The following NEK11 variants were observed in gnomAD, a reference collection of about 807,000 sequenced individuals.
NEK11 encodes the protein NIMA related kinase 11, also known as serine/threonine-protein kinase Nek11.
NEK11 carries 72 observed loss-of-function variants against 80.7 expected under a neutral mutation model. The observed-to-expected ratio is 0.89, with a 90% CI of 0.74 to 1.08. NEK11 has a LOEUF of 1.08. NEK11 is among the 50% of genes least tolerant of loss of function. NEK11 has a pLI of 0.00. For synonymous variants in NEK11, 251 were observed against 260.7 expected (o/e 0.96, Z 0.36); for missense variants, 764 against 763.6 (o/e 1.00, Z -0.01).
chr3:131,162,419 T>C lies in NEK11; in HGVS notation c.974T>C (p.Ile325Thr). The C allele has an allele frequency of 1.9e-6, 3 of 1,613,514 alleles. No homozygotes were observed. The highest frequency in any genetic ancestry group is 2.5e-6 in the Non-Finnish European group (3 of 1,179,828). The stretch of plus-strand genomic sequence containing the variant: ...TTTGTTATTTATAGGCAAAAAAGGA[T>C]CCACCTGCAGACTCTGAGGGCACTG... Reference protein sequence around the residue: ...AHIINAMQKRIHLQTLRALSE... With the variant: ...AHIINAMQKRTHLQTLRALSE... Residue 325 changes from isoleucine (I) to threonine (T), a missense_variant, in exon 11 of 18, where the codon ATC becomes ACC. Coordinates refer to ENST00000383366, the MANE Select transcript of NEK11 (RefSeq NM_024800.5).
At chr3:131,341,634 A>G (rs992517933) in intron 17 of NEK11, among the ~76,000 whole-genome samples, 4 of 150,524 alleles carry the variant, frequency 2.7e-5, no homozygotes, top group African/African-American at 1.0e-4. Flanking sequence ...AATATATCTG[A>G]CAGTTTCTCT....
At chr3:131,170,006 C>T (rs1000982936) in intron 13 of NEK11, among the ~76,000 whole-genome samples, 12 of 152,276 alleles carry the variant, frequency 7.9e-5, no homozygotes, top group African/African-American at 2.9e-4. Context: ...ATGATATTCT[C>T]ACAAATACCG....
intron 17 of NEK11, among the ~76,000 whole-genome samples, chr3:131,288,302 C>T (rs990648780): frequency 3.3e-5 from 5 of 152,254 alleles, no homozygotes; most frequent in Non-Finnish European, 5.9e-5. Flanking sequence ...ATCTGGGAAG[C>T]TGTTTTTCCT....
At chr3:131,223,711 G>T (rs970777123) in intron 14 of NEK11, among the ~76,000 whole-genome samples, 1 of 152,028 alleles carries the variant, frequency 6.6e-6, no homozygotes, top group African/African-American at 2.4e-5. Flanking sequence ...GAACATATTT[G>T]TCAACCCCCC....
At chr3:131,137,937 G>T (rs895458189) in intron 7 of NEK11, among the ~76,000 whole-genome samples, 11 of 152,262 alleles carry the variant, frequency 7.2e-5, no homozygotes, top group Admixed American at 2.6e-4. Context: ...ATATAGGCAT[G>T]CAATTCATAA....
intron 5 of NEK11, among the ~76,000 whole-genome samples, chr3:131,122,514 C>T (rs1444715428): frequency 1.3e-5 from 2 of 152,174 alleles, no homozygotes; most frequent in East Asian, 3.9e-4. Flanking sequence ...TGCCTCAGTG[C>T]CCAGGACAGG....
At chr3:131,331,861 G>GAT (rs1196795220) in intron 17 of NEK11, among the ~76,000 whole-genome samples, 90 of 152,318 alleles carry the variant, frequency 5.9e-4, no homozygotes, top group African/African-American at 2.0e-3. Context: ...CTCGCTGATT[G>GAT]CTAGCACAGC....
At chr3:131,192,886 T>C (rs2093854056) in intron 14 of NEK11, among the ~76,000 whole-genome samples, 1 of 152,154 alleles carries the variant, frequency 6.6e-6, no homozygotes, top group South Asian at 2.1e-4. Flanking sequence ...AACAGTGTGA[T>C]GGTGTGGTAA....
chr3:131,259,277 C>T (rs917423758), intron 16 of NEK11, among the ~76,000 whole-genome samples: 19 of 152,168 alleles, frequency 1.2e-4, no homozygotes, highest in South Asian at 2.1e-4. Context: ...ATTGACACCG[C>T]TGATGCCACA....
intron 14 of NEK11, among the ~76,000 whole-genome samples, chr3:131,211,795 T>C (rs1236481811): frequency 6.6e-6 from 1 of 152,230 alleles, no homozygotes; most frequent in Non-Finnish European, 1.5e-5. Flanking sequence ...CACGTAGTTC[T>C]TGTGCCATGG....
intron 4 of NEK11, among the ~76,000 whole-genome samples, chr3:131,082,071 G>A (rs949853680): frequency 6.6e-6 from 1 of 152,198 alleles, no homozygotes; most frequent in Non-Finnish European, 1.5e-5. Context: ...TTGGAGGAAA[G>A]TGGACAGGGT....
At chr3:131,039,372 C>A (rs914047150) in intron 3 of NEK11, among the ~76,000 whole-genome samples, 1 of 152,208 alleles carries the variant, frequency 6.6e-6, no homozygotes, top group Non-Finnish European at 1.5e-5. Flanking sequence ...CAAGTATAAT[C>A]TGTAACTAGC....
At chr3:131,034,338 T>G (rs191092097) in intron 3 of NEK11, among the ~76,000 whole-genome samples, 11 of 152,242 alleles carry the variant, frequency 7.2e-5, no homozygotes, top group East Asian at 1.9e-4. Flanking sequence ...GATCTTACTA[T>G]GCAGAGTTGA....
chr3:131,272,041 G>A (rs980406619), intron 16 of NEK11, among the ~76,000 whole-genome samples: 13 of 147,726 alleles, frequency 8.8e-5, no homozygotes, highest in Admixed American at 4.7e-4. Flanking sequence ...CAGAGGTTGC[G>A]GTGAGCCGAG....
chr3:131,291,415 A>G (rs1166223897), intron 17 of NEK11, among the ~76,000 whole-genome samples: 1 of 152,226 alleles, frequency 6.6e-6, no homozygotes, highest in Non-Finnish European at 1.5e-5. Flanking sequence ...CTCTGTGGAC[A>G]TATTTTCAAC....
At chr3:131,263,554 T>C (rs566202394) in intron 16 of NEK11, among the ~76,000 whole-genome samples, 1 of 152,300 alleles carries the variant, frequency 6.6e-6, no homozygotes, top group East Asian at 1.9e-4. Context: ...ATGTGGGCTC[T>C]TTTTGTTTGA....
intron 4 of NEK11, among the ~76,000 whole-genome samples, chr3:131,103,836 C>T (rs1001648782): frequency 6.6e-6 from 1 of 152,210 alleles, no homozygotes; most frequent in African/African-American, 2.4e-5. Context: ...CACTCAAGTG[C>T]CTTAGTACTC....
Position 131,073,574 on chromosome 3 carries a change from G to T in NEK11, c.171-6849G>T, listed in dbSNP as rs532670410. ...TTGTAAACAAAATCAGTCTTGAAAA[G>T]CATAGTAAATGGAATTTATCTATAG... On this transcript the variant is annotated intron_variant, in intron 3 of 17. Coordinates refer to ENST00000383366, the MANE Select transcript of NEK11 (RefSeq NM_024800.5). Among the ~76,000 whole-genome samples the T allele has an allele frequency of 2.6e-5, 4 of 152,244 alleles. No individual in the cohort carries two copies. The South Asian group carries it at 8.3e-4, about 32-fold the overall frequency.
intron 16 of NEK11, among the ~76,000 whole-genome samples, chr3:131,273,209 T>C (rs1561313399): frequency 6.6e-6 from 1 of 152,232 alleles, no homozygotes; most frequent in Non-Finnish European, 1.5e-5. Flanking sequence ...AAAAAGCTCA[T>C]CTTTTAAATA....
Sources: allele counts gnomAD v4.1 joint callset (sites outside exome capture counted in the v4.1 genomes callset), GRCh38; gene constraint gnomAD v4.1.1; transcripts MANE v1.5; gene names NCBI Gene and HGNC (gene_info 2026-07-23, HGNC 2026-07-21).